The following UGT1A8 variants were observed in gnomAD, a reference collection of about 807,000 sequenced individuals.
The protein encoded by UGT1A8 is UDP glucuronosyltransferase family 1 member A8.
A neutral mutation model predicts 45.3 loss-of-function variants in UGT1A8; 39 were observed. The observed-to-expected ratio is 0.86, with a 90% CI of 0.67 to 1.12. UGT1A8 has a LOEUF of 1.12. UGT1A8 is among the 50% of genes most tolerant of loss of function. The probability of loss-of-function intolerance (pLI) is 0.00; values close to 1 mark genes in which losing one functional copy is unlikely to be tolerated. For missense variants in UGT1A8, 719 were observed against 664.9 expected (o/e 1.08, Z -0.90); for synonymous variants, 275 against 249.2 (o/e 1.10, Z -0.97).
In UGT1A8 at chr2:233,662,107, A is replaced by C. The variant is rs28969997; in HGVS notation, c.855+43545A>C. ...AGTTAACTCTATGCAGTTATGACTT[A>C]ATGCTGCAAACTTACCTTTGTTACT... On this transcript the variant is annotated intron_variant, in intron 1 of 4. Transcript: ENST00000373450. 6.9e-3 allele frequency among the ~76,000 whole-genome samples: 1,046 copies of C among 152,324 alleles called. 16 individuals are homozygous for C. Among genetic ancestry groups the C allele is most frequent in the African/African-American group, 0.024 (999 of 41,564 alleles).
At chr2:233,652,872 TG>T (rs2073772714) in intron 1 of UGT1A8, among the ~76,000 whole-genome samples, 1 of 152,228 alleles carries the variant, frequency 6.6e-6, no homozygotes, top group Non-Finnish European at 1.5e-5. Context: ...AGGAAACATT[TG>T]GGGAAGTATT....
intron 1 of UGT1A8, among the ~76,000 whole-genome samples, chr2:233,706,592 C>T (rs2075915253): frequency 6.6e-6 from 1 of 151,948 alleles, no homozygotes; most frequent in African/African-American, 2.4e-5. Flanking sequence ...GGGAGGTGGA[C>T]CTAAGTATGT....
Position 233,618,001 on chromosome 2 carries a change from G to C in UGT1A8, c.294G>C (p.Trp98Cys), listed in dbSNP as rs776735190. ...TCATGGATTTCGCCGATGCTCAATG[G>C]AAAGCACAAGTACGAAGTTTGTTTT... is the stretch of plus-strand genomic sequence containing the variant. The part of the protein sequence containing the change: ...REFMDFADAQ[W>C]KAQVRSLFSL... The change falls in exon 1 of 5, where the codon TGG becomes TGC. Residue 98 changes from tryptophan (W) to cysteine (C), a missense_variant. Transcript: ENST00000373450. 5 of 1,614,090 alleles carry C rather than the reference G, an allele frequency of 3.1e-6. No individual in the cohort carries two copies. The East Asian group carries it at 1.1e-4, about 36-fold the overall frequency.
intron 1 of UGT1A8, among the ~76,000 whole-genome samples, chr2:233,633,035 G>A (rs536431522): frequency 5.3e-5 from 8 of 152,006 alleles, no homozygotes; most frequent in Non-Finnish European, 1.0e-4. Flanking sequence ...AGAATTTTTG[G>A]CATGAAGTGC....
chr2:233,636,876 C>T, intron 1 of UGT1A8: 1 of 1,614,042 alleles, frequency 6.2e-7, no homozygotes, highest in East Asian at 2.2e-5. Flanking sequence ...GTTTTCTTGA[C>T]TTATTTTTTT....
chr2:233,767,710 G>A, intron 2 of UGT1A8, 139 bp from the exon 3 acceptor site: 1 of 1,527,870 alleles, frequency 6.5e-7, no homozygotes, highest in Non-Finnish European at 8.8e-7. Context: ...GTCCTCAGAA[G>A]CCTTCACAGT....
intron 1 of UGT1A8, among the ~76,000 whole-genome samples, chr2:233,685,706 A>G (rs2074750589): frequency 6.6e-6 from 1 of 152,238 alleles, no homozygotes; most frequent in Non-Finnish European, 1.5e-5. Context: ...AATAATTTTC[A>G]ATATCTTGCT....
At chr2:233,671,760 C>A in intron 1 of UGT1A8, 3 of 1,324,418 alleles carry the variant, frequency 2.3e-6, no homozygotes, top group Non-Finnish European at 3.0e-6. Context: ...TCAGCAAAAG[C>A]TACTCATATA....
chr2:233,754,900 C>G, intron 1 of UGT1A8: 3 of 1,352,224 alleles, frequency 2.2e-6, no homozygotes, highest in Non-Finnish European at 3.0e-6. Flanking sequence ...CTCTGACCCC[C>G]CAAAATATTC....
At chr2:233,763,181 G>A (rs1559409754) in intron 1 of UGT1A8, among the ~76,000 whole-genome samples, 1 of 152,170 alleles carries the variant, frequency 6.6e-6, no homozygotes. Flanking sequence ...CTACATATTT[G>A]TTGTTGCCTT....
chr2:233,672,109 A>C (rs199829358), intron 1 of UGT1A8: 199 of 1,614,054 alleles, frequency 1.2e-4, no homozygotes, highest in South Asian at 1.6e-4. Flanking sequence ...GGTTGTAGTC[A>C]TGCCAGAGGT....
chr2:233,765,712 T>A (rs1046504378), intron 1 of UGT1A8, among the ~76,000 whole-genome samples: 5 of 111,216 alleles, frequency 4.5e-5, no homozygotes, highest in Non-Finnish European at 8.4e-5. Context: ...TAATAATAAT[T>A]AATAATAATA....
At chr2:233,689,838 T>C (rs1230094386) in intron 1 of UGT1A8, 1 of 453,770 alleles carries the variant, frequency 2.2e-6, no homozygotes, top group Non-Finnish European at 4.4e-6. Context: ...CTAACTTTCT[T>C]GGATATTGTT....
chr2:233,685,645 C>T (rs2074748193), intron 1 of UGT1A8, among the ~76,000 whole-genome samples: 1 of 152,174 alleles, frequency 6.6e-6, no homozygotes, highest in Admixed American at 6.5e-5. Flanking sequence ...CGAACATATA[C>T]CAAGGAGAGG....
At chr2:233,746,133 C>A (rs1693313600) in intron 1 of UGT1A8, among the ~76,000 whole-genome samples, 1 of 151,790 alleles carries the variant, frequency 6.6e-6, no homozygotes, top group African/African-American at 2.4e-5. Context: ...TGTGGACTGG[C>A]ACCTGAGTGA....
chr2:233,664,383 G>A (rs2074033547), intron 1 of UGT1A8, among the ~76,000 whole-genome samples: 2 of 152,024 alleles, frequency 1.3e-5, no homozygotes, highest in Non-Finnish European at 2.9e-5. Context: ...TTTTCTATTA[G>A]TACTATTTTC....
At position 233,729,883 on chromosome 2, in the gene UGT1A8, TC is replaced by T. The variant is rs771925903; in HGVS notation, c.856-37150del. ...AGTGGTGGATATTCTCAGTCATGCA[TC>T]TGTGTGGCTGTTCCGAGGGGACTTT... On this transcript the variant is annotated intron_variant, in intron 1 of 4. Transcript: ENST00000373450. The T allele has an allele frequency of 6.2e-6, 10 of 1,613,824 alleles. No individual in the cohort carries two copies. In the African/African-American group the frequency reaches 1.3e-4, roughly 22 times the overall value.
At chr2:233,690,375 G>T in intron 1 of UGT1A8, 1 of 907,388 alleles carries the variant, frequency 1.1e-6, no homozygotes, top group Admixed American at 2.8e-5. Context: ...TCTCCATAGG[G>T]TCCACGTTTC....
intron 1 of UGT1A8, among the ~76,000 whole-genome samples, chr2:233,628,652 G>C (rs988385128): frequency 6.6e-6 from 1 of 152,092 alleles, no homozygotes; most frequent in Non-Finnish European, 1.5e-5. Context: ...ACAATGTTGA[G>C]TAGAAGTGGG....
Sources: gnomAD v4.1 joint callset for allele counts (sites outside exome capture counted in the v4.1 genomes callset) on GRCh38, gnomAD v4.1.1 for gene constraint, MANE v1.5 for transcripts, NCBI Gene and HGNC (gene_info 2026-07-23, HGNC 2026-07-21) for gene names.